PDE4D: variants seen among roughly 807,000 people sequenced by gnomAD.
PDE4D encodes 3',5'-cyclic-AMP phosphodiesterase 4D.
Under a neutral mutation model 87.4 loss-of-function variants are expected in PDE4D, and 24 were observed. That is an observed-to-expected ratio of 0.27 (90% CI 0.20 to 0.39). PDE4D has a LOEUF of 0.39. Ranked by LOEUF, PDE4D falls within the 10% of genes least tolerant of loss-of-function variation. The pLI, the probability that PDE4D is intolerant of heterozygous loss-of-function variation, is 1.00. For missense variants in PDE4D, 714 were observed against 1,041.0 expected (o/e 0.69, Z 4.32); for synonymous variants, 384 against 383.2 (o/e 1.00, Z -0.02).
chr5:59,180,941 T>C (rs1741386444), intron 4 of PDE4D, among the ~76,000 whole-genome samples: 2 of 152,180 alleles, frequency 1.3e-5, no homozygotes, highest in African/African-American at 4.8e-5. Context: ...CAGACTTTAT[T>C]CGCTGAAGCC....
intron 1 of PDE4D, among the ~76,000 whole-genome samples, chr5:59,723,796 C>G (rs755870275): frequency 9.2e-5 from 14 of 152,128 alleles, no homozygotes; most frequent in Non-Finnish European, 1.6e-4. Flanking sequence ...GACATGACAG[C>G]TGGGTTTGAA....
intron 5 of PDE4D, among the ~76,000 whole-genome samples, chr5:59,127,965 A>G (rs1775709991): frequency 6.6e-6 from 1 of 151,730 alleles, no homozygotes; most frequent in East Asian, 2.0e-4. Flanking sequence ...GAAGGAGAAG[A>G]GAGGGCTAAG....
chr5:59,555,318 AG>A (rs907433814), intron 1 of PDE4D, among the ~76,000 whole-genome samples: 1 of 152,128 alleles, frequency 6.6e-6, no homozygotes, highest in African/African-American at 2.4e-5. Flanking sequence ...GGACACAAAG[AG>A]GATCAGCATA....
chr5:60,369,179 ACT>A (rs1450342074), intron 1 of PDE4D, among the ~76,000 whole-genome samples: 1 of 129,448 alleles, frequency 7.7e-6, no homozygotes, highest in East Asian at 2.3e-4. Flanking sequence ...CCCCTTTTCC[ACT>A]CTCCCTCCAC....
chr5:59,068,501 C>A (rs1218937492), intron 5 of PDE4D, among the ~76,000 whole-genome samples: 1 of 152,028 alleles, frequency 6.6e-6, no homozygotes, highest in Non-Finnish European at 1.5e-5. Flanking sequence ...GGTTTCTATG[C>A]CCAAGGATCC....
intron 2 of PDE4D, among the ~76,000 whole-genome samples, chr5:60,074,998 T>C (rs1259569394): frequency 6.6e-6 from 1 of 152,188 alleles, no homozygotes; most frequent in East Asian, 1.9e-4. Flanking sequence ...ATTTAGGACA[T>C]TTACCTTGAA....
intron 1 of PDE4D, among the ~76,000 whole-genome samples, chr5:59,765,306 G>A (rs1470267834): frequency 2.0e-5 from 3 of 152,146 alleles, no homozygotes; most frequent in Non-Finnish European, 2.9e-5. Context: ...CATCAAGGAG[G>A]TTTGACGAGA....
intron 1 of PDE4D, among the ~76,000 whole-genome samples, chr5:59,552,528 A>T (rs1210629343): frequency 6.6e-6 from 1 of 152,226 alleles, no homozygotes; most frequent in Non-Finnish European, 1.5e-5. Context: ...GCTTATAACT[A>T]AGCTGACTTT....
At chr5:59,264,090 T>C (rs1165234830) in intron 1 of PDE4D, among the ~76,000 whole-genome samples, 1 of 152,022 alleles carries the variant, frequency 6.6e-6, no homozygotes, top group Non-Finnish European at 1.5e-5. Flanking sequence ...TTTATTTGCA[T>C]GCAAATTTAA....
intron 2 of PDE4D, among the ~76,000 whole-genome samples, chr5:60,133,249 C>T (rs1377053935): frequency 6.6e-6 from 1 of 152,150 alleles, no homozygotes; most frequent in Admixed American, 6.5e-5. Context: ...AAAATATTCT[C>T]CAATTATAGG....
At position 59,225,877 on chromosome 5, in the gene PDE4D, C is replaced by A. The variant is rs1251241685; in HGVS notation, c.456-9909G>T. Reference sequence around the variant, plus strand: ...GAAATGGACGTTTCTCCAAAGAAGACAAAAAATGGCAAACAGGGATATGAA... The same window carrying A: ...GAAATGGACGTTTCTCCAAAGAAGAAAAAAAATGGCAAACAGGGATATGAA... On this transcript the variant is annotated intron_variant, in intron 1 of 14. Coordinates refer to ENST00000340635, the MANE Select transcript of PDE4D (RefSeq NM_001104631.2). 2.7e-5 allele frequency among the ~76,000 whole-genome samples: 4 copies of A among 150,146 alleles called. No individual in the cohort carries two copies. The East Asian group carries it at 7.9e-4, about 30-fold the overall frequency.
At chr5:59,189,992 G>A (rs1743945999) in intron 3 of PDE4D, among the ~76,000 whole-genome samples, 1 of 152,186 alleles carries the variant, frequency 6.6e-6, no homozygotes, top group African/African-American at 2.4e-5. Flanking sequence ...GATGTTTCAG[G>A]CTTTAGCCTG....
In PDE4D at chr5:59,205,505, G is replaced by A. The variant is rs528675665; in HGVS notation, c.647+10272C>T. On this transcript the variant is annotated intron_variant, in intron 2 of 14. Coordinates refer to ENST00000340635, the MANE Select transcript of PDE4D (RefSeq NM_001104631.2). ...ATGCCGCTTTCTGTATGCTCAAATG[G>A]ATTTAGACTATTCTGAAGGCACATA... Among the ~76,000 whole-genome samples the A allele has an allele frequency of 3.3e-5, 5 of 152,054 alleles. No homozygotes were observed. In the South Asian group the frequency reaches 8.3e-4, roughly 25 times the overall value.
intron 1 of PDE4D, among the ~76,000 whole-genome samples, chr5:59,488,133 A>G (rs1582830258): frequency 6.7e-6 from 1 of 150,330 alleles, no homozygotes; most frequent in South Asian, 2.1e-4. Flanking sequence ...GGAGACAGAC[A>G]TCCCAGATAA....
At chr5:59,879,670 G>A (rs1024436526) in intron 1 of PDE4D, among the ~76,000 whole-genome samples, 8 of 152,118 alleles carry the variant, frequency 5.3e-5, no homozygotes, top group African/African-American at 1.4e-4. Flanking sequence ...AGACACAAAC[G>A]GCATCCAAAG....
At chr5:60,387,766 G>T (rs77652582) in intron 1 of PDE4D, among the ~76,000 whole-genome samples, 2,123 of 152,238 alleles carry the variant, frequency 0.014, 33 homozygotes, top group South Asian at 0.036. Flanking sequence ...CCGAAGTGTG[G>T]AGTTTTGCCC....
In PDE4D at chr5:59,430,196, C is replaced by T. The variant is rs1423718162; in HGVS notation, c.456-214228G>A. On this transcript the variant is annotated intron_variant, in intron 1 of 14. Coordinates refer to ENST00000340635, the MANE Select transcript of PDE4D (RefSeq NM_001104631.2). ...TGTTGAATAAAAACTAACTTCTCAC[C>T]CTGACCCTCCCATTTCAGCAGACAT... 4.5e-6 allele frequency: 5 copies of T among 1,101,040 alleles called. No homozygotes were observed. In the South Asian group the frequency reaches 1.9e-4, roughly 42 times the overall value. The allele number at this position is 1,101,040 out of a possible 1,614,324, so 68.2% of individuals were successfully genotyped here.
At chr5:59,813,885 G>T (rs1262371954) in intron 1 of PDE4D, among the ~76,000 whole-genome samples, 2 of 152,160 alleles carry the variant, frequency 1.3e-5, no homozygotes, top group East Asian at 3.9e-4. Flanking sequence ...GTCCCTTAAT[G>T]TATCTAAGGC....
chr5:59,204,150 AAT>A (rs1748188128), intron 2 of PDE4D, among the ~76,000 whole-genome samples: 1 of 152,014 alleles, frequency 6.6e-6, no homozygotes, highest in African/African-American at 2.4e-5. Context: ...GTTGATGAAA[AAT>A]AAATTTAAAA....
Sources: allele counts gnomAD v4.1 joint callset (sites outside exome capture counted in the v4.1 genomes callset), GRCh38; gene constraint gnomAD v4.1.1; transcripts MANE v1.5; gene names NCBI Gene and HGNC (gene_info 2026-07-23, HGNC 2026-07-21).